The following NIPSNAP3B variants were observed in gnomAD, a reference collection of about 807,000 sequenced individuals.
The protein encoded by NIPSNAP3B is nipsnap homolog 3B, also known as protein NipSnap homolog 3B.
In NIPSNAP3B, 30 loss-of-function variants were observed where a neutral mutation model predicts 31.5. That is an observed-to-expected ratio of 0.95 (90% CI 0.71 to 1.29). The LOEUF (loss-of-function observed/expected upper bound fraction) is 1.29. NIPSNAP3B is among the 50% of genes most tolerant of loss of function. The pLI is 0.00. For missense variants in NIPSNAP3B, 269 were observed against 300.7 expected, an observed-to-expected ratio of 0.89 and a Z score of 0.78; for synonymous variants, 106 against 107.9, an observed-to-expected ratio of 0.98 and a Z score of 0.11.
chr9:104,788,593 G>C, the NIPSNAP3B span: 2 of 1,613,620 alleles, frequency 1.2e-6, no homozygotes, highest in Non-Finnish European at 8.5e-7. Context: ...AAACTACTTA[G>C]ATTTTAAGCA....
chr9:104,776,726 T>C lies in NIPSNAP3B; in HGVS notation c.*3653T>C, dbSNP rs1478835326. Among the ~76,000 whole-genome samples, 1 of 152,180 alleles carries C rather than the reference T, an allele frequency of 6.6e-6. No individual in the cohort carries two copies. Among genetic ancestry groups the C allele is most frequent in the East Asian group, 1.9e-4 (1 of 5,190 alleles). On this transcript the variant is annotated 3_prime_UTR_variant, in exon 6 of 6. Coordinates refer to ENST00000374762, the MANE Select transcript of NIPSNAP3B (RefSeq NM_018376.4). ...TTTTCTGTTATCACCATAATTAATG[T>C]TTTACTTATATATGATTTGTTAATG...
chr9:104,766,642 G>C, intron 2 of NIPSNAP3B, 107 bp downstream of exon 2: 1 of 1,127,020 alleles, frequency 8.9e-7, no homozygotes, highest in South Asian at 1.4e-5. Flanking sequence ...TACAGGTTAA[G>C]TAAGACTTTT....
chr9:104,769,554 A>G (rs1828166613), intron 3 of NIPSNAP3B, among the ~76,000 whole-genome samples: 1 of 152,208 alleles, frequency 6.6e-6, no homozygotes, highest in Admixed American at 6.5e-5. Context: ...AAAACAAAAA[A>G]TGAAGTATTT....
At chr9:104,768,307 A>G (rs958392392) in intron 2 of NIPSNAP3B, among the ~76,000 whole-genome samples, 3 of 152,212 alleles carry the variant, frequency 2.0e-5, no homozygotes, top group African/African-American at 7.2e-5. Context: ...TGTTCAAAAA[A>G]GAGGCTTAAA....
intron 1 of NIPSNAP3B, 24 bp downstream of exon 1, chr9:104,764,324 G>C: frequency 1.9e-6 from 3 of 1,562,950 alleles, no homozygotes; most frequent in Non-Finnish European, 2.6e-6. Context: ...GGGCGCGCCC[G>C]AGCCCTGGCC....
Position 104,769,008 on chromosome 9 carries a change from G to A in NIPSNAP3B, c.417G>A (p.Lys139=). The stretch of plus-strand genomic sequence containing the variant: ...TGATACCATGGTCCAAATTAGAAAA[G>A]CCTCCAAAAGAAGGTGAGTTCTTCC... ...TYLIPWSKLE[K]PPKEGVYELA... is the part of the protein sequence containing the mutation. Residue 139 remains lysine, a synonymous_variant, in exon 3 of 6, where the codon AAG becomes AAA. Transcript: ENST00000374762. 1.9e-6 allele frequency: 3 copies of A among 1,611,968 alleles called. No individual in the cohort carries two copies. Among genetic ancestry groups the A allele is most frequent in the Non-Finnish European group, 2.5e-6 (3 of 1,179,264 alleles).
At chr9:104,770,201 G>A (rs1321721079) in intron 3 of NIPSNAP3B, among the ~76,000 whole-genome samples, 1 of 151,590 alleles carries the variant, frequency 6.6e-6, no homozygotes, top group Non-Finnish European at 1.5e-5. Flanking sequence ...CCTTTTTCTT[G>A]TCCAATCTAC....
At chr9:104,778,554 A>G (rs2118816367), downstream of NIPSNAP3B, among the ~76,000 whole-genome samples, 1 of 152,228 alleles carries the variant, frequency 6.6e-6, no homozygotes, top group South Asian at 2.1e-4. Context: ...CTTATTTTCC[A>G]TCATTGCCCC....
chr9:104,771,520 C>A (rs1828217917), intron 4 of NIPSNAP3B, among the ~76,000 whole-genome samples: 1 of 152,196 alleles, frequency 6.6e-6, no homozygotes, highest in African/African-American at 2.4e-5. Context: ...CCTCTAGCTA[C>A]ATCCATGTTC....
At chr9:104,767,238 C>CT (rs1828108616) in intron 2 of NIPSNAP3B, among the ~76,000 whole-genome samples, 1 of 152,016 alleles carries the variant, frequency 6.6e-6, no homozygotes, top group Admixed American at 6.6e-5. Flanking sequence ...GAGACCACTT[C>CT]TTTTTTCATT....
At chr9:104,779,804 G>A (rs1828428470), downstream of NIPSNAP3B, among the ~76,000 whole-genome samples, 2 of 152,110 alleles carry the variant, frequency 1.3e-5, no homozygotes, top group Non-Finnish European at 1.5e-5. Context: ...CAAGGCAGAA[G>A]GATCACCTTA....
At chr9:104,790,714 G>A in the NIPSNAP3B span, among the ~76,000 whole-genome samples, 15 of 152,174 alleles carry the variant, frequency 9.9e-5, no homozygotes, top group African/African-American at 3.6e-4. Flanking sequence ...GTTAAAAGAA[G>A]AGAATGAGAC....
At chr9:104,784,672 TCTTGC>T in the NIPSNAP3B span, among the ~76,000 whole-genome samples, 1 of 152,070 alleles carries the variant, frequency 6.6e-6, no homozygotes, top group African/African-American at 2.4e-5. Context: ...TGAAATGGGG[TCTTGC>T]TCTGTCCCCA....
At chr9:104,782,824 T>C in the NIPSNAP3B span, 1 of 151,324 alleles carries the variant, frequency 6.6e-6, no homozygotes, top group Admixed American at 6.6e-5. Flanking sequence ...CCTTATACTT[T>C]CTTGGCTTTT....
the NIPSNAP3B span, among the ~76,000 whole-genome samples, chr9:104,789,238 G>A: frequency 6.6e-6 from 1 of 152,182 alleles, no homozygotes. Context: ...ACCGTGCCAG[G>A]CCCTCACAGC....
chr9:104,785,349 G>C, the NIPSNAP3B span: 25 of 1,611,364 alleles, frequency 1.6e-5, no homozygotes, highest in Admixed American at 4.2e-4. Context: ...GTCGGGGCAG[G>C]AATCCACACC....
chr9:104,767,741 T>C (rs955834922), intron 2 of NIPSNAP3B, among the ~76,000 whole-genome samples: 2 of 152,200 alleles, frequency 1.3e-5, no homozygotes, highest in Admixed American at 6.6e-5. Flanking sequence ...ACAAGTTTAA[T>C]TGTGTCCCAT....
At chr9:104,780,993 AAAAGT>A (rs1828512401), downstream of NIPSNAP3B, 2 of 152,658 alleles carry the variant, frequency 1.3e-5, no homozygotes, top group African/African-American at 4.8e-5. Context: ...ACAAATGCAC[AAAAGT>A]AAATTTCTGT....
rs143630689 is a variant in NIPSNAP3B, at chr9:104,772,909, G to A, written c.667+1G>A. On this transcript the variant is annotated splice_donor_variant, in intron 5 of 5. Transcript: ENST00000374762. LOFTEE classifies it high-confidence loss of function. Reference sequence around the variant, plus strand: ...GAGGATCCCAGAGTTGTGGCGGCTGGTAAGCTGTTTCACTAAGCACGAATT... The same window carrying A: ...GAGGATCCCAGAGTTGTGGCGGCTGATAAGCTGTTTCACTAAGCACGAATT... The A allele has an allele frequency of 7.7e-4, 1,244 of 1,613,638 alleles. 11 individuals are homozygous for A. The highest frequency in any genetic ancestry group is 6.4e-3 in the South Asian group (587 of 91,018).
Sources: allele counts gnomAD v4.1 joint callset (sites outside exome capture counted in the v4.1 genomes callset), GRCh38; gene constraint gnomAD v4.1.1; transcripts MANE v1.5; gene names NCBI Gene and HGNC (gene_info 2026-07-23, HGNC 2026-07-21).